Variants in CUX2 observed in about 807,000 individuals in gnomAD.
CUX2 encodes homeobox protein cut-like 2.
CUX2 carries 40 observed loss-of-function variants against 144.8 expected under a neutral mutation model. That is an observed-to-expected ratio of 0.28 (90% confidence interval 0.21 to 0.36). The LOEUF is 0.36. Ranked by LOEUF, CUX2 falls within the 10% of genes least tolerant of loss-of-function variation. CUX2 has a pLI of 1.00. For missense variants in CUX2, 1,615 were observed against 1,994.0 expected (o/e 0.81, Z 3.62); for synonymous variants, 827 against 875.6 (o/e 0.94, Z 0.98).
intron 19 of CUX2, 59 bp from the exon 20 acceptor site, chr12:111,338,226 TG>T (rs1888439303): frequency 2.7e-6 from 4 of 1,509,282 alleles, no homozygotes; most frequent in Non-Finnish European, 3.6e-6. Context: ...ATGTCTCTCC[TG>T]GGAGTAGGCT....
At chr12:111,270,883 G>A (rs139044198) in intron 4 of CUX2, among the ~76,000 whole-genome samples, 16 of 152,284 alleles carry the variant, frequency 1.1e-4, no homozygotes, top group Admixed American at 2.6e-4. Context: ...ACACCTGGGT[G>A]GAACTCTCAG....
At chr12:111,040,243 T>C (rs1296325278) in intron 1 of CUX2, among the ~76,000 whole-genome samples, 1 of 151,510 alleles carries the variant, frequency 6.6e-6, no homozygotes, top group South Asian at 2.1e-4. Flanking sequence ...GCTATGATCA[T>C]ACCATTGCAC....
At chr12:111,084,730 G>GGTATGA (rs1872099568) in intron 1 of CUX2, among the ~76,000 whole-genome samples, 2 of 152,210 alleles carry the variant, frequency 1.3e-5, no homozygotes, top group African/African-American at 4.8e-5. Flanking sequence ...AAAGCAAAAT[G>GGTATGA]GTATGAGAGT....
intron 3 of CUX2, among the ~76,000 whole-genome samples, chr12:111,258,061 A>G (rs1592891217): frequency 6.6e-6 from 1 of 152,256 alleles, no homozygotes; most frequent in African/African-American, 2.4e-5. Context: ...GAAAGCTTTC[A>G]TCAGCTTCCA....
intron 1 of CUX2, among the ~76,000 whole-genome samples, chr12:111,146,113 C>T (rs1043451693): frequency 6.6e-6 from 1 of 152,196 alleles, no homozygotes; most frequent in Admixed American, 6.5e-5. Context: ...CCCTACACGG[C>T]ACATTCTCTA....
rs113589699 is a variant in CUX2 at position 111,312,035 on chromosome 12, C to G, written c.1901-65C>G. ...GGAGGAGGAGACAGCCCCCCTACCC[C>G]ACCAGGCTCCGGAGACTGAGCCCAA... On this transcript the variant is annotated intron_variant, in intron 15 of 21. Coordinates refer to ENST00000261726, the MANE Select transcript of CUX2 (RefSeq NM_015267.4). The surrounding 1 kb of genome is among the most constrained non-coding windows in gnomAD (Gnocchi z 4.3). The G allele has an allele frequency of 2.5e-3, 3,622 of 1,441,068 alleles. 11 individuals carry two copies. Among genetic ancestry groups the G allele is most frequent in the Non-Finnish European group, 3.2e-3 (3,304 of 1,044,888 alleles). The allele number at this position is 1,441,068 out of a possible 1,614,324, so 89.3% of individuals were successfully genotyped here.
intron 1 of CUX2, among the ~76,000 whole-genome samples, chr12:111,191,384 T>C (rs1040533467): frequency 3.3e-5 from 5 of 152,012 alleles, no homozygotes; most frequent in Admixed American, 1.3e-4. Flanking sequence ...CAGGCTAGAG[T>C]GCAGTAGCAT....
At chr12:111,080,382 A>G (rs1871815857) in intron 1 of CUX2, among the ~76,000 whole-genome samples, 1 of 152,122 alleles carries the variant, frequency 6.6e-6, no homozygotes, top group African/African-American at 2.4e-5. Context: ...TTAAAATGTC[A>G]GCTCTAGGGC....
intron 1 of CUX2, among the ~76,000 whole-genome samples, chr12:111,164,035 G>C (rs1175683124): frequency 1.3e-5 from 2 of 152,150 alleles, no homozygotes; most frequent in Non-Finnish European, 2.9e-5. Context: ...CATAGGGTGA[G>C]TTAAAAAGAT....
intron 1 of CUX2, among the ~76,000 whole-genome samples, chr12:111,100,953 A>G (rs1444108409): frequency 6.6e-6 from 1 of 152,198 alleles, no homozygotes; most frequent in Non-Finnish European, 1.5e-5. Flanking sequence ...CCCCAGCTCC[A>G]GTCAGAGCCT....
intron 1 of CUX2, among the ~76,000 whole-genome samples, chr12:111,184,777 A>G (rs1032376882): frequency 2.6e-5 from 4 of 151,056 alleles, no homozygotes; most frequent in African/African-American, 9.7e-5. Context: ...AAAATGACAC[A>G]TTGCGGCTGG....
chr12:111,197,917 A>G (rs2136203841), intron 1 of CUX2, among the ~76,000 whole-genome samples: 1 of 152,316 alleles, frequency 6.6e-6, no homozygotes. Flanking sequence ...GCCCCCACTC[A>G]AGCCTGTTTG....
intron 1 of CUX2, among the ~76,000 whole-genome samples, chr12:111,200,313 C>T (rs975932322): frequency 1.4e-4 from 21 of 152,026 alleles, no homozygotes; most frequent in Admixed American, 4.6e-4. Flanking sequence ...ATAGGCATTT[C>T]ACATTCATGT....
At chr12:111,328,614 G>A (rs1402223063) in intron 18 of CUX2, among the ~76,000 whole-genome samples, 1 of 151,528 alleles carries the variant, frequency 6.6e-6, no homozygotes, top group Non-Finnish European at 1.5e-5. Context: ...GTGTGTGTGT[G>A]TGTGTGACAG....
chr12:111,036,474 C>T (rs991983557), intron 1 of CUX2, among the ~76,000 whole-genome samples: 25 of 152,236 alleles, frequency 1.6e-4, no homozygotes, highest in African/African-American at 5.8e-4. Context: ...CAGCTGGACG[C>T]CCATTAATCT....
At chr12:111,135,402 G>T (rs999259701) in intron 1 of CUX2, among the ~76,000 whole-genome samples, 4 of 152,204 alleles carry the variant, frequency 2.6e-5, no homozygotes, top group African/African-American at 9.6e-5. Context: ...TGGTGCAGCT[G>T]CTGTGGGAAG....
intron 16 of CUX2, among the ~76,000 whole-genome samples, chr12:111,319,179 T>G (rs566801788): frequency 6.6e-6 from 1 of 151,758 alleles, no homozygotes; most frequent in Non-Finnish European, 1.5e-5. Context: ...CTGAGCATGG[T>G]GGCACATGCT....
intron 18 of CUX2, among the ~76,000 whole-genome samples, chr12:111,329,196 A>T (rs2136422812): frequency 6.6e-6 from 1 of 151,236 alleles, no homozygotes; most frequent in South Asian, 2.1e-4. Context: ...TAAAATAAGG[A>T]AAGTCGCGGG....
intron 14 of CUX2, among the ~76,000 whole-genome samples, chr12:111,308,909 C>A (rs955823034): frequency 1.3e-5 from 2 of 152,078 alleles, no homozygotes; most frequent in Admixed American, 6.6e-5. Flanking sequence ...CAGCCACCCG[C>A]TGACTTTTTT....
Sources: gnomAD v4.1 joint callset for allele counts (sites outside exome capture counted in the v4.1 genomes callset) on GRCh38, gnomAD v4.1.1 for gene constraint, Gnocchi (gnomAD v3.1) non-coding constraint, MANE v1.5 for transcripts, NCBI Gene and HGNC (gene_info 2026-07-23, HGNC 2026-07-21) for gene names.